Variants in SNTG2 observed in about 807,000 individuals in gnomAD.
SNTG2 encodes the protein gamma-2-syntrophin.
SNTG2 carries 74 observed loss-of-function variants against 70.9 expected under a neutral mutation model. The ratio of observed to expected loss-of-function variants is 1.04; its 90% CI spans 0.86 to 1.27. The LOEUF is 1.27. Among genes scored for constraint, SNTG2 ranks in the 50% most tolerant of loss-of-function variants. The pLI is 0.00. For missense variants in SNTG2, 717 were observed against 690.7 expected (o/e 1.04, Z -0.43); for synonymous variants, 278 against 273.8 (o/e 1.02, Z -0.15).
At chr2:1,166,053 A>C (rs546067973) in intron 7 of SNTG2, among the ~76,000 whole-genome samples, 1 of 152,374 alleles carries the variant, frequency 6.6e-6, no homozygotes, top group African/African-American at 2.4e-5. Context: ...ATATTTTGGC[A>C]CAAAGCTTGT....
intron 4 of SNTG2, among the ~76,000 whole-genome samples, chr2:1,122,531 G>A (rs1387440995): frequency 6.6e-6 from 1 of 151,944 alleles, no homozygotes; most frequent in Non-Finnish European, 1.5e-5. Context: ...CAATATCTAT[G>A]ATAAAAAATC....
intron 1 of SNTG2, among the ~76,000 whole-genome samples, chr2:996,521 A>T (rs1253136682): frequency 6.6e-6 from 1 of 152,148 alleles, no homozygotes; most frequent in African/African-American, 2.4e-5. Flanking sequence ...AGATATGCTT[A>T]TGCTGCCACA....
chr2:1,248,995 C>T (rs1287368727), intron 12 of SNTG2, among the ~76,000 whole-genome samples: 1 of 152,214 alleles, frequency 6.6e-6, no homozygotes, highest in African/African-American at 2.4e-5. Context: ...CCTTGGGATG[C>T]TCCGAGTGCT....
intron 15 of SNTG2, among the ~76,000 whole-genome samples, chr2:1,311,625 A>G (rs1469918102): frequency 1.3e-5 from 2 of 152,232 alleles, no homozygotes; most frequent in Non-Finnish European, 2.9e-5. Context: ...CATCAATATG[A>G]TGAATGATAT....
intron 4 of SNTG2, among the ~76,000 whole-genome samples, chr2:1,113,594 C>T (rs1035600686): frequency 2.7e-5 from 4 of 150,660 alleles, no homozygotes; most frequent in Admixed American, 2.6e-4. Flanking sequence ...TTAACCCTTA[C>T]AGTACTTTGA....
intron 14 of SNTG2, among the ~76,000 whole-genome samples, chr2:1,307,954 C>T (rs926472708): frequency 6.6e-6 from 1 of 152,198 alleles, no homozygotes; most frequent in African/African-American, 2.4e-5. Context: ...CCTTCTCGCA[C>T]CGTGTGACCG....
At chr2:1,239,597 T>G (rs565449651) in intron 10 of SNTG2, 141 bp from the exon 11 acceptor site, 1 of 772,184 alleles carries the variant, frequency 1.3e-6, no homozygotes, top group South Asian at 1.8e-5. Flanking sequence ...TGACTCTGGC[T>G]AGGTCTTCAG....
chr2:1,182,360 CAAAAAAAAAA>C (rs10587246), intron 8 of SNTG2, among the ~76,000 whole-genome samples: 1 of 122,058 alleles, frequency 8.2e-6, no homozygotes, highest in Non-Finnish European at 1.6e-5. Flanking sequence ...TTAAAAATTT[CAAAAAAAAAA>C]AAAAAAAAAC....
At position 1,083,183 on chromosome 2, in the gene SNTG2, A is replaced by T. The variant is rs1007116063; in HGVS notation, c.73-335A>T. On this transcript the variant is annotated intron_variant, in intron 1 of 16. Transcript: ENST00000308624. ...CAAATAACTTTAGTTAAACTAAAAA[A>T]ATATATATATATATATTTGGAAGTG... Among the ~76,000 whole-genome samples, 488 of 142,280 alleles carry T rather than the reference A, an allele frequency of 3.4e-3. 1 individual carries two copies. The highest frequency in any genetic ancestry group is 9.8e-3 in the African/African-American group (387 of 39,688). The allele number at this position is 142,280 out of a possible 152,430, so 93.3% of individuals were successfully genotyped here.
At chr2:1,027,459 T>A (rs1030986988) in intron 1 of SNTG2, among the ~76,000 whole-genome samples, 5 of 144,780 alleles carry the variant, frequency 3.5e-5, no homozygotes, top group Admixed American at 7.0e-5. Flanking sequence ...AGCAAGTAAC[T>A]CATGCATCTC....
intron 1 of SNTG2, among the ~76,000 whole-genome samples, chr2:1,055,546 C>A (rs1001146194): frequency 2.6e-5 from 4 of 151,732 alleles, no homozygotes; most frequent in African/African-American, 9.7e-5. Context: ...TGCTGAATGC[C>A]CATCGAGACA....
At chr2:1,289,684 T>A (rs1183668953) in intron 14 of SNTG2, among the ~76,000 whole-genome samples, 1 of 152,176 alleles carries the variant, frequency 6.6e-6, no homozygotes, top group Non-Finnish European at 1.5e-5. Flanking sequence ...AAGTATACAG[T>A]GCACAGTCAT....
At chr2:1,045,029 GT>G (rs36115840) in intron 1 of SNTG2, among the ~76,000 whole-genome samples, 13,465 of 147,472 alleles carry the variant, frequency 0.091, 672 homozygotes, top group East Asian at 0.18. Flanking sequence ...TTTCTGGTCA[GT>G]TTTTTTTTTG....
chr2:1,018,740 TTAA>T (rs1007874330), intron 1 of SNTG2, among the ~76,000 whole-genome samples: 4 of 151,972 alleles, frequency 2.6e-5, no homozygotes, highest in African/African-American at 7.3e-5. Context: ...CAAAAAAAAA[TTAA>T]TAATAATAAT....
chr2:1,092,552 C>A (rs1485581716), intron 2 of SNTG2, among the ~76,000 whole-genome samples: 2 of 152,202 alleles, frequency 1.3e-5, no homozygotes, highest in Non-Finnish European at 1.5e-5. Context: ...GTATTAAAAT[C>A]TGAACATGAG....
intron 1 of SNTG2, among the ~76,000 whole-genome samples, chr2:1,061,709 G>C (rs189201491): frequency 1.3e-5 from 2 of 152,240 alleles, no homozygotes; most frequent in Admixed American, 6.5e-5. Flanking sequence ...TCCAAGCCAG[G>C]CATCTCATGT....
chr2:1,246,244 T>C (rs1677419911), intron 11 of SNTG2, among the ~76,000 whole-genome samples: 1 of 152,238 alleles, frequency 6.6e-6, no homozygotes, highest in Non-Finnish European at 1.5e-5. Flanking sequence ...AAGACAGTGC[T>C]CCTAATTTTC....
intron 1 of SNTG2, among the ~76,000 whole-genome samples, chr2:1,028,456 A>G (rs568884436): frequency 6.6e-6 from 1 of 152,304 alleles, no homozygotes; most frequent in East Asian, 1.9e-4. Context: ...AGTGTTTAAA[A>G]TCCCCACAGC....
At chr2:975,801 G>A (rs1451251286) in intron 1 of SNTG2, among the ~76,000 whole-genome samples, 1 of 152,150 alleles carries the variant, frequency 6.6e-6, no homozygotes, top group African/African-American at 2.4e-5. Context: ...ATTGATATAT[G>A]TCCATATAGC....
Sources: gnomAD v4.1 joint callset for allele counts (sites outside exome capture counted in the v4.1 genomes callset) on GRCh38, gnomAD v4.1.1 for gene constraint, MANE v1.5 for transcripts, NCBI Gene and HGNC (gene_info 2026-07-23, HGNC 2026-07-21) for gene names.